TMTC2: variants seen among roughly 807,000 people sequenced by gnomAD.
TMTC2 encodes transmembrane O-mannosyltransferase targeting cadherins 2, also known as protein O-mannosyl-transferase TMTC2.
TMTC2 carries 43 observed loss-of-function variants against 82.4 expected under a neutral mutation model. That is an observed-to-expected ratio of 0.52 (90% CI 0.41 to 0.67). The LOEUF (loss-of-function observed/expected upper bound fraction) is 0.67. Ranked by LOEUF, TMTC2 falls within the 30% of genes least tolerant of loss-of-function variation. TMTC2 has a pLI of 0.00. For missense variants in TMTC2, 919 were observed against 1,012.4 expected (o/e 0.91, Z 1.25); for synonymous variants, 408 against 381.9 (o/e 1.07, Z -0.80).
chr12:83,050,459 A>G (rs542611683), intron 9 of TMTC2, among the ~76,000 whole-genome samples: 3 of 152,262 alleles, frequency 2.0e-5, no homozygotes, highest in African/African-American at 7.2e-5. Flanking sequence ...ATTATTATTA[A>G]ATCTAATTGA....
At chr12:83,102,649 C>T (rs999891116) in intron 11 of TMTC2, among the ~76,000 whole-genome samples, 11 of 152,100 alleles carry the variant, frequency 7.2e-5, no homozygotes, top group Admixed American at 5.9e-4. Context: ...TATTTCCAAC[C>T]GTGGATAGCA....
chr12:82,979,742 A>G (rs1878839845), intron 7 of TMTC2, among the ~76,000 whole-genome samples: 1 of 151,720 alleles, frequency 6.6e-6, no homozygotes. Flanking sequence ...ATTTTCTTTC[A>G]GATTGAAGGA....
At chr12:82,846,040 A>G (rs1455192481) in intron 1 of TMTC2, among the ~76,000 whole-genome samples, 1 of 151,804 alleles carries the variant, frequency 6.6e-6, no homozygotes, top group Non-Finnish European at 1.5e-5. Context: ...TTTAGCCAAC[A>G]TTCTACTTCC....
At chr12:82,973,749 G>A (rs927283225) in intron 7 of TMTC2, among the ~76,000 whole-genome samples, 3 of 152,110 alleles carry the variant, frequency 2.0e-5, no homozygotes, top group Non-Finnish European at 4.4e-5. Context: ...AGGGCCAGAA[G>A]ATATATAGCC....
chr12:83,061,763 T>A lies in TMTC2; in HGVS notation c.2268-5T>A. On this transcript the variant is annotated splice_polypyrimidine_tract_variant and splice_region_variant and intron_variant, in intron 10 of 11. Coordinates refer to ENST00000321196, the MANE Select transcript of TMTC2 (RefSeq NM_152588.3). Reference sequence around the variant, plus strand: ...TATAGTTTTATTTTATTTTTTCTTTTACAGACAGGCTAGCCTCAATGAAGC... The same window carrying A: ...TATAGTTTTATTTTATTTTTTCTTTAACAGACAGGCTAGCCTCAATGAAGC... 6.3e-7 allele frequency: 1 copy of A among 1,586,872 alleles called. No homozygotes were observed. Among genetic ancestry groups the A allele is most frequent in the Non-Finnish European group, 8.6e-7 (1 of 1,169,050 alleles).
intron 8 of TMTC2, among the ~76,000 whole-genome samples, chr12:83,015,257 G>T (rs1236832428): frequency 2.0e-5 from 3 of 152,158 alleles, no homozygotes; most frequent in Non-Finnish European, 2.9e-5. Flanking sequence ...AAGCTGAGCA[G>T]GTCAACATAT....
intron 11 of TMTC2, among the ~76,000 whole-genome samples, chr12:83,115,645 TTA>T (rs1884729339): frequency 3.6e-5 from 3 of 83,266 alleles, no homozygotes; most frequent in African/African-American, 2.2e-4. Context: ...CTTTTTTTTA[TTA>T]TTTTTTTTTT....
chr12:82,767,181 T>G (rs1877015198), intron 1 of TMTC2, among the ~76,000 whole-genome samples: 1 of 152,242 alleles, frequency 6.6e-6, no homozygotes, highest in South Asian at 2.1e-4. Flanking sequence ...TATTGCTGCC[T>G]TTTGGAAGAT....
chr12:82,772,632 A>G (rs927537354), intron 1 of TMTC2, among the ~76,000 whole-genome samples: 2 of 152,184 alleles, frequency 1.3e-5, no homozygotes, highest in Non-Finnish European at 2.9e-5. Flanking sequence ...TGGTTTCTGT[A>G]AAGGGGAGTA....
intron 1 of TMTC2, among the ~76,000 whole-genome samples, chr12:82,738,654 A>G (rs1422121120): frequency 6.6e-6 from 1 of 152,208 alleles, no homozygotes; most frequent in Non-Finnish European, 1.5e-5. Flanking sequence ...AGAAAACGTG[A>G]TAGTTAAAAA....
At chr12:82,962,445 G>GA (rs1877983638) in intron 4 of TMTC2, among the ~76,000 whole-genome samples, 1 of 152,028 alleles carries the variant, frequency 6.6e-6, no homozygotes, top group African/African-American at 2.4e-5. Context: ...AAGAGCCTTA[G>GA]AAAATAAGAA....
chr12:82,822,493 C>A (rs1429634817), intron 1 of TMTC2, among the ~76,000 whole-genome samples: 1 of 152,118 alleles, frequency 6.6e-6, no homozygotes, highest in African/African-American at 2.4e-5. Context: ...AAAGAATACT[C>A]TTATATAGTC....
intron 8 of TMTC2, among the ~76,000 whole-genome samples, chr12:83,021,606 T>TAA (rs757661882): frequency 0.59 from 88,202 of 150,430 alleles, 26,334 homozygotes; most frequent in South Asian, 0.73. Context: ...AAAAAAAATT[T>TAA]TTTTTTAATG....
Position 82,797,887 on chromosome 12 carries a change from G to A in TMTC2, c.84-59123G>A, listed in dbSNP as rs139903986. Among the ~76,000 whole-genome samples the A allele has an allele frequency of 5.1e-3, 776 of 151,020 alleles. 4 individuals are homozygous for A. Among genetic ancestry groups the A allele is most frequent in the African/African-American group, 0.018 (742 of 41,222 alleles). ...GGCTCTAAAATTGTTTACAGAGCAG[G>A]TATTGTTCTGCTTTTTTAGAGTAGT... On this transcript the variant is annotated intron_variant, in intron 1 of 11. Transcript: ENST00000321196.
At chr12:82,826,147 C>CT (rs1869409200) in intron 1 of TMTC2, among the ~76,000 whole-genome samples, 1 of 152,076 alleles carries the variant, frequency 6.6e-6, no homozygotes, top group Non-Finnish European at 1.5e-5. Context: ...GTTTAAATAT[C>CT]TTTTCATCCA....
chr12:82,929,452 A>C (rs1383909800), intron 3 of TMTC2, among the ~76,000 whole-genome samples: 1 of 152,204 alleles, frequency 6.6e-6, no homozygotes, highest in Non-Finnish European at 1.5e-5. Context: ...AGTAAACTGA[A>C]GCACAGGAGT....
chr12:82,971,503 T>G (rs189823495), intron 7 of TMTC2, among the ~76,000 whole-genome samples: 138 of 152,174 alleles, frequency 9.1e-4, no homozygotes, highest in Non-Finnish European at 1.5e-3. Context: ...AAGCATTGCT[T>G]TTGAATAATC....
intron 1 of TMTC2, among the ~76,000 whole-genome samples, chr12:82,766,560 A>G (rs1876972257): frequency 6.6e-6 from 1 of 152,190 alleles, no homozygotes; most frequent in South Asian, 2.1e-4. Flanking sequence ...AATGGGTTTT[A>G]TCTGCCCTTC....
intron 1 of TMTC2, among the ~76,000 whole-genome samples, chr12:82,767,393 G>A (rs998499123): frequency 2.0e-5 from 3 of 152,128 alleles, no homozygotes; most frequent in Non-Finnish European, 4.4e-5. Flanking sequence ...AGACCAGCGT[G>A]GGCAACATAG....
Sources: gnomAD v4.1 joint callset for allele counts (sites outside exome capture counted in the v4.1 genomes callset) on GRCh38, gnomAD v4.1.1 for gene constraint, MANE v1.5 for transcripts, NCBI Gene and HGNC (gene_info 2026-07-23, HGNC 2026-07-21) for gene names.